The following MAPT variants were observed in gnomAD, a reference collection of about 807,000 sequenced individuals.
MAPT encodes microtubule associated protein tau.
In MAPT, 34 loss-of-function variants were observed where a neutral mutation model predicts 67.9. The ratio of observed to expected loss-of-function variants is 0.50; its 90% CI spans 0.38 to 0.67. The LOEUF (loss-of-function observed/expected upper bound fraction) is 0.67, where lower values mean the gene tolerates loss of function less well. MAPT is among the 30% of genes least tolerant of loss of function. MAPT has a pLI of 0.00. For missense variants in MAPT, 881 were observed against 1,115.2 expected, an observed-to-expected ratio of 0.79 and a Z score of 2.99; for synonymous variants, 456 against 464.5, an observed-to-expected ratio of 0.98 and a Z score of 0.23.
intron 3 of MAPT, chr17:45,975,081 G>A (rs1187478864): frequency 6.5e-6 from 1 of 153,288 alleles, no homozygotes; most frequent in Non-Finnish European, 1.5e-5. Context: ...CCGGGCTCAA[G>A]GCTGCAGTCA....
At position 45,906,697 on chromosome 17, in the gene MAPT, G is replaced by C. The variant is rs1187402797; in HGVS notation, c.-18+12011G>C. On this transcript the variant is annotated intron_variant, in intron 1 of 12. Transcript: ENST00000262410. The surrounding 1 kb of genome is among the most constrained non-coding windows in gnomAD (Gnocchi z 4.3). ...TTTGAGTGCCAGTCCTGGGTGTCCA[G>C]TGGCCCCATAGCCTTGCGTTTTAGT... 1.3e-5 allele frequency among the ~76,000 whole-genome samples: 2 copies of C among 152,120 alleles called. No individual in the cohort carries two copies. The highest frequency in any genetic ancestry group is 1.5e-5 in the Non-Finnish European group (1 of 68,028).
At chr17:46,018,474 C>T in intron 11 of MAPT, 144 bp from the exon 12 acceptor site, 4 of 771,458 alleles carry the variant, frequency 5.2e-6, no homozygotes. Context: ...CCCTCCAGAG[C>T]AGTGGCACCC....
intron 9 of MAPT, chr17:45,999,144 T>C (rs2074769515): frequency 7.2e-7 from 1 of 1,390,836 alleles, no homozygotes; most frequent in African/African-American, 1.5e-5. Context: ...TCTCTCCTTA[T>C]CTCTTCCCTT....
At chr17:46,021,601 G>A (rs17652520) in intron 12 of MAPT, among the ~76,000 whole-genome samples, 22,414 of 152,180 alleles carry the variant, frequency 0.15, 2,213 homozygotes, top group Non-Finnish European at 0.22. Context: ...GTCAAGATCC[G>A]CAAATCCTCT....
At position 45,996,532 on chromosome 17, in the gene MAPT, T is replaced by C. The variant is rs778876874; in HGVS notation, c.1866T>C (p.Arg622=). ...AGCCCAAGAAGGTGGCAGTGGTCCG[T>C]ACTCCACCCAAGTCGCCGTCTTCCG... is the stretch of plus-strand genomic sequence containing the variant. ...TREPKKVAVV[R]TPPKSPSSAK... is the part of the protein sequence containing the mutation. Residue 622 remains arginine, a synonymous_variant, in exon 9 of 13, where the codon CGT becomes CGC. Transcript: ENST00000262410. The surrounding 1 kb of genome is among the most constrained non-coding windows in gnomAD (Gnocchi z 4.5). The C allele has an allele frequency of 9.3e-6, 15 of 1,612,874 alleles. No individual in the cohort carries two copies. The highest frequency in any genetic ancestry group is 1.3e-5 in the Non-Finnish European group (15 of 1,179,650).
At chr17:45,916,482 T>A (rs1336439019) in intron 1 of MAPT, among the ~76,000 whole-genome samples, 1 of 151,942 alleles carries the variant, frequency 6.6e-6, no homozygotes, top group Non-Finnish European at 1.5e-5. Flanking sequence ...AAACCCCCTC[T>A]CTGCCTTCCT....
chr17:45,935,837 C>T (rs1309298179), intron 1 of MAPT, among the ~76,000 whole-genome samples: 1 of 152,180 alleles, frequency 6.6e-6, no homozygotes, highest in Non-Finnish European at 1.5e-5. Context: ...TCCGCAGAGC[C>T]TTCTCCAATC....
intron 1 of MAPT, among the ~76,000 whole-genome samples, chr17:45,926,876 A>G (rs1471373488): frequency 1.3e-5 from 2 of 150,698 alleles, no homozygotes; most frequent in African/African-American, 5.0e-5. Context: ...AGCTCAGGAA[A>G]AAAGTACGTG....
intron 6 of MAPT, among the ~76,000 whole-genome samples, chr17:45,988,536 G>A (rs1297006639): frequency 2.6e-5 from 4 of 152,170 alleles, no homozygotes; most frequent in South Asian, 2.1e-4. Flanking sequence ...AGGGACAGGC[G>A]TGCAGACACC....
At chr17:45,985,568 C>A (rs1018285358) in intron 5 of MAPT, 7 of 427,138 alleles carry the variant, frequency 1.6e-5, no homozygotes, top group African/African-American at 1.3e-4. Flanking sequence ...CTTGTCAGAG[C>A]CTTTAATGTA....
intron 1 of MAPT, among the ~76,000 whole-genome samples, chr17:45,925,685 T>C (rs1244664038): frequency 2.0e-5 from 3 of 152,182 alleles, no homozygotes; most frequent in African/African-American, 7.2e-5. Flanking sequence ...TAAAATGTCA[T>C]GGGAAAACAC....
intron 6 of MAPT, among the ~76,000 whole-genome samples, chr17:45,989,512 G>A (rs952203089): frequency 3.3e-5 from 5 of 151,102 alleles, no homozygotes; most frequent in Non-Finnish European, 5.9e-5. Flanking sequence ...CGAGCCGGGC[G>A]TGGTGGTGGG....
chr17:45,899,738 G>C (rs1253197786), intron 1 of MAPT, among the ~76,000 whole-genome samples: 1 of 152,234 alleles, frequency 6.6e-6, no homozygotes. Context: ...AGGTTAGGGA[G>C]ATGTGGAGTT....
In MAPT at chr17:45,995,497, A is replaced by C. The variant is rs1181541636; in HGVS notation, c.1733-902A>C. On this transcript the variant is annotated intron_variant, in intron 8 of 12. Coordinates refer to ENST00000262410, the MANE Select transcript of MAPT (RefSeq NM_001377265.1). The surrounding 1 kb of genome is among the most constrained non-coding windows in gnomAD (Gnocchi z 4.3). ...GCCACACTTTGGAAAATACAGACCC[A>C]TGAGATAGAATACCAGACTGTTGAA... 6.6e-6 allele frequency among the ~76,000 whole-genome samples: 1 copy of C among 152,198 alleles called. No homozygotes were observed. The highest frequency in any genetic ancestry group is 2.4e-5 in the African/African-American group (1 of 41,444).
chr17:45,920,158 C>T (rs549681383), intron 1 of MAPT, among the ~76,000 whole-genome samples: 3 of 152,288 alleles, frequency 2.0e-5, no homozygotes, highest in South Asian at 2.1e-4. Flanking sequence ...TGTACACGTC[C>T]GGCGGCTCTG....
intron 1 of MAPT, among the ~76,000 whole-genome samples, chr17:45,933,807 T>C (rs1443840867): frequency 6.6e-6 from 1 of 151,044 alleles, no homozygotes. Context: ...CTCTCAGTGC[T>C]CCACGTGTCT....
At chr17:45,999,122 G>A in intron 9 of MAPT, 3 of 1,292,408 alleles carry the variant, frequency 2.3e-6, no homozygotes, top group Non-Finnish European at 3.1e-6. Flanking sequence ...GTCCCATGGT[G>A]GGGAATGTCC....
chr17:45,969,352 C>T (rs560777333), intron 2 of MAPT: 112 of 152,838 alleles, frequency 7.3e-4, no homozygotes, highest in African/African-American at 2.6e-3. Context: ...GTTACCATCA[C>T]ATCCATCCAT....
At chr17:45,913,714 C>T (rs2064959526) in intron 1 of MAPT, among the ~76,000 whole-genome samples, 1 of 152,202 alleles carries the variant, frequency 6.6e-6, no homozygotes, top group African/African-American at 2.4e-5. Context: ...GTCCATCACA[C>T]TCTAAAATGC....
Sources: gnomAD v4.1 joint callset for allele counts (sites outside exome capture counted in the v4.1 genomes callset) on GRCh38, gnomAD v4.1.1 for gene constraint, Gnocchi (gnomAD v3.1) non-coding constraint, MANE v1.5 for transcripts, NCBI Gene and HGNC (gene_info 2026-07-23, HGNC 2026-07-21) for gene names.